The following VTI1A variants were observed in gnomAD, a reference collection of about 807,000 sequenced individuals.
VTI1A encodes vesicle transport through interaction with t-SNAREs homolog 1A.
VTI1A carries 22 observed loss-of-function variants against 34.9 expected under a neutral mutation model. The observed-to-expected ratio is 0.63, with a 90% CI of 0.45 to 0.90. The LOEUF is 0.90. Ranked by LOEUF, VTI1A falls within the 40% of genes least tolerant of loss-of-function variation. The pLI is 0.00. For missense variants in VTI1A, 268 were observed against 275.6 expected (o/e 0.97, Z 0.20); for synonymous variants, 87 against 97.3 (o/e 0.89, Z 0.62).
Position 112,606,248 on chromosome 10 carries a change from C to A in VTI1A, c.428-61970C>A, listed in dbSNP as rs1191990885. Among the ~76,000 whole-genome samples the A allele has an allele frequency of 1.3e-5, 2 of 152,072 alleles. 1 individual carries two copies. Among genetic ancestry groups the A allele is most frequent in the African/African-American group, 4.8e-5 (2 of 41,392 alleles). On this transcript the variant is annotated intron_variant, in intron 5 of 7. Transcript: ENST00000393077. ...CCATGTTGGTCAGGCTGGCCTCGAA[C>A]TCCTGACCTCAGGTGATCCACCGAC...
chr10:112,830,175 A>G, the VTI1A span, among the ~76,000 whole-genome samples: 1 of 152,158 alleles, frequency 6.6e-6, no homozygotes, highest in Non-Finnish European at 1.5e-5. Context: ...GATTTGAAAA[A>G]GAAAATCAGA....
rs1321675928 is a variant in VTI1A, at chr10:112,817,785, A to C, written c.*2402A>C. On this transcript the variant is annotated 3_prime_UTR_variant, in exon 8 of 8. Transcript: ENST00000393077. The stretch of plus-strand genomic sequence containing the variant: ...GATCTGTGAGAGGTTCTAGGTACTT[A>C]GTGTGTAGACTTTGACGAATATTTC... 1 of 231,514 alleles carries C rather than the reference A, an allele frequency of 4.3e-6. No individual in the cohort carries two copies. Among genetic ancestry groups the C allele is most frequent in the Non-Finnish European group, 8.6e-6 (1 of 116,932 alleles). 14.3% of individuals were successfully genotyped at this position (231,514 alleles called of 1,614,324 possible). A position where few individuals can be genotyped will look rare whatever the true frequency, so the allele number is the denominator to read the frequency against.
intron 7 of VTI1A, among the ~76,000 whole-genome samples, chr10:112,766,646 A>C (rs1590166338): frequency 1.3e-5 from 2 of 151,766 alleles, no homozygotes; most frequent in Non-Finnish European, 2.9e-5. Flanking sequence ...TGCTCAAGGA[A>C]TATGGTCCAA....
At chr10:112,659,182 C>T (rs1363617157) in intron 5 of VTI1A, among the ~76,000 whole-genome samples, 2 of 152,166 alleles carry the variant, frequency 1.3e-5, no homozygotes, top group Non-Finnish European at 2.9e-5. Flanking sequence ...GAACACGTCT[C>T]CCTTGTCTGT....
At chr10:112,701,081 C>A (rs1436466051) in intron 7 of VTI1A, among the ~76,000 whole-genome samples, 1 of 152,128 alleles carries the variant, frequency 6.6e-6, no homozygotes, top group Non-Finnish European at 1.5e-5. Context: ...CATTTTTGAG[C>A]AAACTATATA....
chr10:112,762,183 A>G (rs1209496989), intron 7 of VTI1A, among the ~76,000 whole-genome samples: 1 of 152,190 alleles, frequency 6.6e-6, no homozygotes, highest in East Asian at 1.9e-4. Context: ...CTTATTTCAC[A>G]TGGCTTCAAG....
intron 5 of VTI1A, among the ~76,000 whole-genome samples, chr10:112,562,399 A>G (rs975410408): frequency 3.9e-5 from 6 of 152,124 alleles, no homozygotes; most frequent in Non-Finnish European, 8.8e-5. Context: ...AAATGTCAGT[A>G]TATTTAGGAT....
chr10:112,746,145 A>T (rs1024029822), intron 7 of VTI1A, among the ~76,000 whole-genome samples: 3 of 152,156 alleles, frequency 2.0e-5, no homozygotes, highest in African/African-American at 7.2e-5. Flanking sequence ...CTGGAATTTC[A>T]TGTCTATTTG....
chr10:112,805,132 G>T (rs1193398225), intron 7 of VTI1A, among the ~76,000 whole-genome samples: 1 of 151,848 alleles, frequency 6.6e-6, no homozygotes, highest in Non-Finnish European at 1.5e-5. Context: ...TCCCAAATGT[G>T]TGGAGATTAC....
intron 7 of VTI1A, among the ~76,000 whole-genome samples, chr10:112,679,276 A>C (rs1316897965): frequency 6.6e-6 from 1 of 152,158 alleles, no homozygotes; most frequent in East Asian, 1.9e-4. Flanking sequence ...TATCTTGAGA[A>C]TTTGTCATCT....
At chr10:112,629,637 A>T (rs2134612371) in intron 5 of VTI1A, among the ~76,000 whole-genome samples, 1 of 152,374 alleles carries the variant, frequency 6.6e-6, no homozygotes, top group South Asian at 2.1e-4. Context: ...AGTTATTTTA[A>T]AATGAGGCTA....
At chr10:112,754,027 G>A (rs1225157775) in intron 7 of VTI1A, among the ~76,000 whole-genome samples, 1 of 152,192 alleles carries the variant, frequency 6.6e-6, no homozygotes, top group Non-Finnish European at 1.5e-5. Flanking sequence ...GCAACTTGAT[G>A]TAAGTGTGTA....
intron 5 of VTI1A, among the ~76,000 whole-genome samples, chr10:112,582,572 T>C (rs1355477886): frequency 1.3e-5 from 2 of 152,036 alleles, no homozygotes; most frequent in Non-Finnish European, 2.9e-5. Context: ...GCCTTTTAGG[T>C]GGTAGAAAAG....
the VTI1A span, among the ~76,000 whole-genome samples, chr10:112,839,282 T>G: frequency 6.6e-6 from 1 of 152,102 alleles, no homozygotes; most frequent in Non-Finnish European, 1.5e-5. Flanking sequence ...TGAGCCCTTG[T>G]CATTTCCCAT....
intron 5 of VTI1A, among the ~76,000 whole-genome samples, chr10:112,569,877 A>G (rs1564831013): frequency 6.6e-6 from 1 of 152,240 alleles, no homozygotes; most frequent in Non-Finnish European, 1.5e-5. Flanking sequence ...TATTGCTTTC[A>G]TGTATGAAGC....
chr10:112,595,338 G>T (rs1054971332), intron 5 of VTI1A, among the ~76,000 whole-genome samples: 1 of 150,610 alleles, frequency 6.6e-6, no homozygotes, highest in Non-Finnish European at 1.5e-5. Context: ...AAGAGCTTCT[G>T]CACAGCAAAA....
intron 7 of VTI1A, among the ~76,000 whole-genome samples, chr10:112,795,347 A>G (rs1852635821): frequency 6.6e-6 from 1 of 152,118 alleles, no homozygotes; most frequent in Non-Finnish European, 1.5e-5. Flanking sequence ...TGAGTGAAGG[A>G]CTTAGGATAG....
chr10:112,680,107 C>T (rs935317321), intron 7 of VTI1A, among the ~76,000 whole-genome samples: 1 of 152,162 alleles, frequency 6.6e-6, no homozygotes, highest in Non-Finnish European at 1.5e-5. Flanking sequence ...CTTTGATACT[C>T]TGGCTTACTT....
At chr10:112,621,619 A>G (rs1845740592) in intron 5 of VTI1A, among the ~76,000 whole-genome samples, 1 of 152,032 alleles carries the variant, frequency 6.6e-6, no homozygotes, top group South Asian at 2.1e-4. Context: ...ACACTGTACT[A>G]CCTCTTAGAT....
Sources: gnomAD v4.1 joint callset for allele counts (sites outside exome capture counted in the v4.1 genomes callset) on GRCh38, gnomAD v4.1.1 for gene constraint, MANE v1.5 for transcripts, NCBI Gene and HGNC (gene_info 2026-07-23, HGNC 2026-07-21) for gene names.